The following YTHDF1 variants were observed in gnomAD, a reference collection of about 807,000 sequenced individuals.
The protein encoded by YTHDF1 is YTH N6-methyladenosine RNA binding protein F1.
Under a neutral mutation model 49.1 loss-of-function variants are expected in YTHDF1, and 16 were observed. That is an observed-to-expected ratio of 0.33 (90% CI 0.22 to 0.49). The LOEUF (loss-of-function observed/expected upper bound fraction) is 0.49. Ranked by LOEUF, YTHDF1 falls within the 20% of genes least tolerant of loss-of-function variation. YTHDF1 has a pLI of 0.99. For missense variants in YTHDF1, 621 were observed against 744.3 expected, an observed-to-expected ratio of 0.83 and a Z score of 1.93; for synonymous variants, 313 against 290.1, an observed-to-expected ratio of 1.08 and a Z score of -0.80.
rs2066494693 is a variant in YTHDF1, at chr20:63,196,812, G to A, written c.1654-78C>T. The A allele has an allele frequency of 2.5e-6, 4 of 1,571,338 alleles. No individual in the cohort carries two copies. The African/African-American group carries it at 5.4e-5, about 21-fold the overall frequency. On this transcript the variant is annotated intron_variant, in intron 4 of 4. Transcript: ENST00000370339. ...CCTCCCAAAAGTGAGATCCGAGGCT[G>A]CCCCTTAGCAGCACCTGCAAATCTG... is the stretch of plus-strand genomic sequence containing the variant.
Position 63,202,776 on chromosome 20 carries a change from G to A in YTHDF1, c.1164C>T (p.Ser388=), listed in dbSNP as rs149724644. 1.7e-5 allele frequency: 28 copies of A among 1,614,022 alleles called. No individual in the cohort carries two copies. The highest frequency in any genetic ancestry group is 1.1e-4 in the African/African-American group (8 of 74,946). ...AGCTCTTGATGATGAACACACGCCCGCTTTTCAGATTCCACTCAAACTCTT... is the reference window on the plus strand; with the variant it reads ...AGCTCTTGATGATGAACACACGCCCACTTTTCAGATTCCACTCAAACTCTT... ...NPKEFEWNLK[S]GRVFIIKSYS... The change falls in exon 4 of 5, where the codon AGC becomes AGT. Residue 388 remains serine (S), a synonymous_variant. Transcript: ENST00000370339.
At chr20:63,205,132 G>A (rs552076272) in intron 3 of YTHDF1, among the ~76,000 whole-genome samples, 1 of 152,228 alleles carries the variant, frequency 6.6e-6, no homozygotes, top group African/African-American at 2.4e-5. Flanking sequence ...TACATAAAGA[G>A]AATATGCTCC....
chr20:63,214,246 C>G, intron 2 of YTHDF1: 1 of 467,330 alleles, frequency 2.1e-6, no homozygotes, highest in Non-Finnish European at 2.8e-6. Context: ...CTGACATGGT[C>G]TAAGAAGACT....
chr20:63,215,812 C>A (rs2066599429), intron 1 of YTHDF1, 54 bp downstream of exon 1: 5 of 1,453,910 alleles, frequency 3.4e-6, no homozygotes, highest in Non-Finnish European at 4.5e-6. Flanking sequence ...AGGACCTCAA[C>A]CCAGACCCCG....
intron 3 of YTHDF1, among the ~76,000 whole-genome samples, chr20:63,206,656 A>C (rs1443111116): frequency 6.6e-6 from 1 of 152,170 alleles, no homozygotes; most frequent in Non-Finnish European, 1.5e-5. Context: ...ACCGGGTTCC[A>C]CGGCCACACA....
intron 4 of YTHDF1, among the ~76,000 whole-genome samples, chr20:63,201,083 C>G (rs1393867726): frequency 6.6e-6 from 1 of 151,652 alleles, no homozygotes; most frequent in African/African-American, 2.4e-5. Flanking sequence ...ATTTCAGTAA[C>G]TAATTCAGAA....
In YTHDF1 at chr20:63,196,636, G is replaced by A. The variant is rs1194063712; in HGVS notation, c.*72C>T. ...CCCCCGCACGGGACGACACACTGGA[G>A]CTGACCAAGCACACGTGTTTTAAAC... On this transcript the variant is annotated 3_prime_UTR_variant, in exon 5 of 5. Transcript: ENST00000370339. The A allele has an allele frequency of 2.5e-6, 4 of 1,591,762 alleles. No homozygotes were observed. Among genetic ancestry groups the A allele is most frequent in the Non-Finnish European group, 3.4e-6 (4 of 1,162,766 alleles).
chr20:63,215,751 G>A, intron 1 of YTHDF1, 115 bp downstream of exon 1: 2 of 1,372,538 alleles, frequency 1.5e-6, no homozygotes, highest in Non-Finnish European at 1.9e-6. Flanking sequence ...CCGAGACCCC[G>A]GTCCCGCCTG....
intron 3 of YTHDF1, among the ~76,000 whole-genome samples, chr20:63,206,704 G>A (rs1360937109): frequency 4.6e-5 from 7 of 152,164 alleles, no homozygotes; most frequent in African/African-American, 7.2e-5. Context: ...TCTGTGGGCC[G>A]GATTTCCATT....
rs201633524 is a variant in YTHDF1 at position 63,202,933 on chromosome 20, G to C, written c.1007C>G (p.Ala336Gly). 3 of 1,614,078 alleles carry C rather than the reference G, an allele frequency of 1.9e-6. No homozygotes were observed. In the South Asian group the frequency reaches 3.3e-5, roughly 18 times the overall value. The stretch of plus-strand genomic sequence containing the variant: ...AGCCCCTCCGCTCTGCCCAAACGCC[G>C]CGTTTCTGTTGCGTGGGGCAACCCA... The part of the protein sequence containing the change: ...TRWVAPRNRN[A>G]AFGQSGGAGS... The change falls in exon 4 of 5, where the codon GCG (alanine) becomes GGG (glycine). Residue 336 changes from alanine (A) to glycine (G), a missense_variant. Transcript: ENST00000370339.
Position 63,203,102 on chromosome 20 carries a change from C to T in YTHDF1, c.838G>A (p.Val280Met), listed in dbSNP as rs761046528. 3.7e-6 allele frequency: 6 copies of T among 1,610,124 alleles called. No individual in the cohort carries two copies. The African/African-American group carries it at 6.7e-5, about 18-fold the overall frequency. Residue 280 changes from valine to methionine, a missense_variant, in exon 4 of 5, where the codon GTG becomes ATG. This residue lies in a region of YTHDF1 where 470 missense variants were observed against 495.8 expected (regional missense o/e 0.95). Transcript: ENST00000370339. This position sits in a 1 kb window ranked among gnomAD's most constrained non-coding sequence, Gnocchi z 4.4. ...TGCTGGGGGACTGGGGCCTTCGGCA[C>T]AGGCCCCTTGTTATCCCAGGTGCCA... ...DIGTWDNKGP[V>M]PKAPVPQQAP...
chr20:63,215,742 C>T lies in YTHDF1; in HGVS notation c.27+124G>A. ...GCGCGGTCACGTGCGACCCCGGCCC[C>T]GAGACCCCGGTCCCGCCTGGGCCCG... On this transcript the variant is annotated intron_variant, in intron 1 of 4. Coordinates refer to ENST00000370339, the MANE Select transcript of YTHDF1 (RefSeq NM_017798.4). The T allele has an allele frequency of 2.2e-6, 3 of 1,378,250 alleles. No homozygotes were observed. The South Asian group carries it at 4.8e-5, about 22-fold the overall frequency. 85.4% of individuals were successfully genotyped at this position (1,378,250 alleles called of 1,614,324 possible).
Position 63,202,413 on chromosome 20 carries a change from C to T in YTHDF1, c.1527G>A (p.Gln509=). The T allele has an allele frequency of 6.2e-7, 1 of 1,614,278 alleles. No homozygotes were observed. The highest frequency in any genetic ancestry group is 8.5e-7 in the Non-Finnish European group (1 of 1,180,048). ...GCTTGGCTTTTTCTAAGGGCACCTC[C>T]TGGGTGTCCCGGGAGTTTGTGACCG... ...NKPVTNSRDT[Q]EVPLEKAKQV... is the part of the protein sequence containing the mutation. The change falls in exon 4 of 5, where the codon CAG becomes CAA. Residue 509 remains glutamine (Q), a synonymous_variant. Transcript: ENST00000370339.
At chr20:63,199,678 C>T (rs1318217516) in intron 4 of YTHDF1, among the ~76,000 whole-genome samples, 3 of 152,224 alleles carry the variant, frequency 2.0e-5, no homozygotes, top group East Asian at 1.9e-4. Flanking sequence ...AGAGCACCTT[C>T]GCAGGCAGGG....
rs749542694 is a variant in YTHDF1, at chr20:63,213,931, G to C, written c.65C>G (p.Ser22Trp). Reference sequence around the variant, plus strand: ...ATGAACTGTATCCTTCTGATGTAACGAACCATTTTGTACTAGAACAAAAAG... The same window carrying C: ...ATGAACTGTATCCTTCTGATGTAACCAACCATTTTGTACTAGAACAAAAAG... ...KGQDNKVQNGSLHQKDTVHDN... is the reference protein window; with the variant it reads ...KGQDNKVQNGWLHQKDTVHDN... Residue 22 changes from serine to tryptophan, a missense_variant, in exon 3 of 5, where the codon TCG (serine) becomes TGG (tryptophan). Physicochemically the swap from Ser to Trp is radical, Grantham distance 177. This residue lies in a region of YTHDF1 where 470 missense variants were observed against 495.8 expected (regional missense o/e 0.95). Transcript: ENST00000370339. The C allele has an allele frequency of 6.4e-7, 1 of 1,560,648 alleles. No individual in the cohort carries two copies. The highest frequency in any genetic ancestry group is 1.2e-5 in the South Asian group (1 of 83,232).
intron 3 of YTHDF1, among the ~76,000 whole-genome samples, chr20:63,209,673 C>T (rs531806570): frequency 6.6e-6 from 1 of 152,276 alleles, no homozygotes; most frequent in Non-Finnish European, 1.5e-5. Flanking sequence ...TGAGTCATGA[C>T]TGCACTTCCG....
intron 3 of YTHDF1, among the ~76,000 whole-genome samples, chr20:63,213,514 A>G (rs2066586017): frequency 6.6e-6 from 1 of 152,184 alleles, no homozygotes; most frequent in African/African-American, 2.4e-5. Context: ...CCAGACCACA[A>G]TTCCAATCAT....
At position 63,196,624 on chromosome 20, in the gene YTHDF1, C is replaced by T. The variant is rs1282479152; in HGVS notation, c.*84G>A. The T allele has an allele frequency of 2.1e-5, 32 of 1,547,070 alleles. No individual in the cohort carries two copies. The highest frequency in any genetic ancestry group is 2.7e-5 in the Non-Finnish European group (30 of 1,127,190). ...TGCAACACTCAACCCCCGCACGGGACGACACACTGGAGCTGACCAAGCACA... is the reference window on the plus strand; with the variant it reads ...TGCAACACTCAACCCCCGCACGGGATGACACACTGGAGCTGACCAAGCACA... On this transcript the variant is annotated 3_prime_UTR_variant, in exon 5 of 5. Transcript: ENST00000370339.
At chr20:63,202,214 A>T (rs1444469175) in intron 4 of YTHDF1, 73 bp downstream of exon 4, 2 of 1,531,554 alleles carry the variant, frequency 1.3e-6, no homozygotes, top group African/African-American at 2.7e-5. Flanking sequence ...TCTGCTCACC[A>T]CCGGGCCACC....
Sources: allele counts gnomAD v4.1 joint callset (sites outside exome capture counted in the v4.1 genomes callset), GRCh38; gene constraint gnomAD v4.1.1; regional missense constraint gnomAD v4.1.1; non-coding constraint Gnocchi (gnomAD v3.1); transcripts MANE v1.5; gene names NCBI Gene and HGNC (gene_info 2026-07-23, HGNC 2026-07-21).